The following CCBE1 variants were observed in gnomAD, a reference collection of about 807,000 sequenced individuals.
The protein encoded by CCBE1 is collagen and calcium-binding EGF domain-containing protein 1.
Under a neutral mutation model 50.0 loss-of-function variants are expected in CCBE1, and 37 were observed. The observed-to-expected ratio is 0.74, with a 90% confidence interval of 0.57 to 0.97. The LOEUF (loss-of-function observed/expected upper bound fraction) is 0.97, where lower values mean the gene tolerates loss of function less well. CCBE1 is among the 50% of genes least tolerant of loss of function. CCBE1 has a pLI of 0.00. For missense variants in CCBE1, 538 were observed against 523.8 expected (o/e 1.03, Z -0.26); for synonymous variants, 234 against 203.7 (o/e 1.15, Z -1.27).
At chr18:59,675,502 T>G (rs908969150) in intron 2 of CCBE1, among the ~76,000 whole-genome samples, 3 of 152,208 alleles carry the variant, frequency 2.0e-5, no homozygotes, top group African/African-American at 7.2e-5. Context: ...GCAGCTTCCC[T>G]CTAAGTGGAC....
intron 3 of CCBE1, among the ~76,000 whole-genome samples, chr18:59,478,376 A>C (rs1046388849): frequency 6.6e-6 from 1 of 152,202 alleles, no homozygotes; most frequent in Non-Finnish European, 1.5e-5. Context: ...GCATTCTTTG[A>C]TGATAGAAAC....
At chr18:59,570,427 A>G (rs370900527) in intron 2 of CCBE1, among the ~76,000 whole-genome samples, 1 of 152,296 alleles carries the variant, frequency 6.6e-6, no homozygotes, top group East Asian at 1.9e-4. Context: ...GTCAGCCACC[A>G]GTTTTTGATG....
chr18:59,479,567 A>G (rs1182901832), intron 3 of CCBE1, among the ~76,000 whole-genome samples: 2 of 152,224 alleles, frequency 1.3e-5, no homozygotes, highest in Non-Finnish European at 2.9e-5. Context: ...CCCACATACT[A>G]ATACTACCCT....
At chr18:59,621,699 C>A (rs2053712511) in intron 2 of CCBE1, among the ~76,000 whole-genome samples, 1 of 152,240 alleles carries the variant, frequency 6.6e-6, no homozygotes, top group Non-Finnish European at 1.5e-5. Flanking sequence ...TCATATCTCT[C>A]CGACTCTGAA....
intron 2 of CCBE1, among the ~76,000 whole-genome samples, chr18:59,629,538 G>A (rs1489686106): frequency 6.6e-6 from 1 of 152,136 alleles, no homozygotes; most frequent in East Asian, 1.9e-4. Flanking sequence ...TACATTCCCA[G>A]GATCTAGAAC....
At chr18:59,608,706 G>T (rs561846265) in intron 2 of CCBE1, among the ~76,000 whole-genome samples, 1 of 152,144 alleles carries the variant, frequency 6.6e-6, no homozygotes, top group South Asian at 2.1e-4. Context: ...GAGTGAAAAC[G>T]TCTCTCTTGT....
chr18:59,603,760 T>A (rs1301822914), intron 2 of CCBE1, among the ~76,000 whole-genome samples: 1 of 152,184 alleles, frequency 6.6e-6, no homozygotes, highest in Non-Finnish European at 1.5e-5. Context: ...GTACCTCTTA[T>A]CCTTTTTAAA....
chr18:59,518,139 C>G (rs1046774161), intron 2 of CCBE1, among the ~76,000 whole-genome samples: 1 of 152,178 alleles, frequency 6.6e-6, no homozygotes, highest in African/African-American at 2.4e-5. Context: ...ACCCCCATAG[C>G]AGGCACAGTA....
intron 2 of CCBE1, among the ~76,000 whole-genome samples, chr18:59,521,327 G>T (rs1455455149): frequency 6.6e-6 from 1 of 152,216 alleles, no homozygotes. Context: ...TTTCAGTACA[G>T]ACTTCCCTGG....
At chr18:59,689,159 G>A (rs2054696013) in intron 2 of CCBE1, among the ~76,000 whole-genome samples, 1 of 152,180 alleles carries the variant, frequency 6.6e-6, no homozygotes, top group African/African-American at 2.4e-5. Context: ...AGGATTAGAC[G>A]CTACCTGTTG....
chr18:59,641,798 G>C (rs1319534905), intron 2 of CCBE1, among the ~76,000 whole-genome samples: 1 of 152,216 alleles, frequency 6.6e-6, no homozygotes. Flanking sequence ...GTGAGTGATG[G>C]CATGGAAGGA....
rs56316631 is a variant in CCBE1 at position 59,493,545 on chromosome 18, CTTTTTT to C, written c.213-13313_213-13308del. On this transcript the variant is annotated intron_variant, in intron 2 of 10. Coordinates refer to ENST00000439986, the MANE Select transcript of CCBE1 (RefSeq NM_133459.4). ...ATAGATTATTTAATTCTCATAAAAA[CTTTTTT>C]TTTTTTAACAGGTGAGAAGCTGGAG... 9.0e-4 allele frequency among the ~76,000 whole-genome samples: 135 copies of C among 149,368 alleles called. 1 individual carries two copies. Among genetic ancestry groups the C allele is most frequent in the Middle Eastern group, 3.5e-3 (1 of 284 alleles).
At chr18:59,607,941 T>C (rs1266753476) in intron 2 of CCBE1, among the ~76,000 whole-genome samples, 1 of 152,126 alleles carries the variant, frequency 6.6e-6, no homozygotes, top group Non-Finnish European at 1.5e-5. Context: ...CTGTGTGTTG[T>C]GGCGTGTGCC....
intron 2 of CCBE1, among the ~76,000 whole-genome samples, chr18:59,524,688 C>T (rs1469382643): frequency 2.0e-5 from 3 of 152,112 alleles, no homozygotes; most frequent in Non-Finnish European, 4.4e-5. Flanking sequence ...TTTGCTGCAC[C>T]TATTAACCCA....
At chr18:59,593,849 C>T (rs149490731) in intron 2 of CCBE1, among the ~76,000 whole-genome samples, 130 of 152,370 alleles carry the variant, frequency 8.5e-4, no homozygotes, top group African/African-American at 3.1e-3. Context: ...CAAGTAGCAG[C>T]CTCTGGACTA....
intron 2 of CCBE1, among the ~76,000 whole-genome samples, chr18:59,651,648 T>A (rs760527684): frequency 3.9e-5 from 6 of 152,206 alleles, no homozygotes; most frequent in Non-Finnish European, 8.8e-5. Context: ...GCTCTAAATA[T>A]GGCATTTTTC....
intron 2 of CCBE1, among the ~76,000 whole-genome samples, chr18:59,640,786 A>G (rs2053977067): frequency 6.6e-6 from 1 of 152,190 alleles, no homozygotes. Context: ...TTAAATTCAC[A>G]AGCAAAAAAT....
At chr18:59,560,987 T>C (rs998201371) in intron 2 of CCBE1, among the ~76,000 whole-genome samples, 4 of 152,206 alleles carry the variant, frequency 2.6e-5, no homozygotes, top group Admixed American at 1.3e-4. Flanking sequence ...ACCCTGAGCC[T>C]TCACTGATAG....
At chr18:59,499,622 T>C (rs999436765) in intron 2 of CCBE1, among the ~76,000 whole-genome samples, 1 of 151,692 alleles carries the variant, frequency 6.6e-6, no homozygotes, top group African/African-American at 2.4e-5. Flanking sequence ...TTCACTATCA[T>C]GAGAACAGCA....
Sources: gnomAD v4.1 joint callset for allele counts (sites outside exome capture counted in the v4.1 genomes callset) on GRCh38, gnomAD v4.1.1 for gene constraint, MANE v1.5 for transcripts, NCBI Gene and HGNC (gene_info 2026-07-23, HGNC 2026-07-21) for gene names.